The following FMN1 variants were observed in gnomAD, a reference collection of about 807,000 sequenced individuals.
The protein encoded by FMN1 is formin-1.
Under a neutral mutation model 132.4 loss-of-function variants are expected in FMN1, and 110 were observed. That is an observed-to-expected ratio of 0.83 (90% CI 0.71 to 0.97). FMN1 has a LOEUF of 0.97. Ranked by LOEUF, FMN1 falls within the 50% of genes least tolerant of loss-of-function variation. The probability of loss-of-function intolerance (pLI) is 0.00; values close to 1 mark genes in which losing one functional copy is unlikely to be tolerated. For missense variants in FMN1, 1,792 were observed against 1,705.3 expected, an observed-to-expected ratio of 1.05 and a Z score of -0.90; for synonymous variants, 722 against 651.7, an observed-to-expected ratio of 1.11 and a Z score of -1.64.
intron 9 of FMN1, among the ~76,000 whole-genome samples, chr15:32,952,940 C>G (rs1412462201): frequency 1.3e-5 from 2 of 152,142 alleles, no homozygotes; most frequent in African/African-American, 4.8e-5. Context: ...ACGTCCGTGT[C>G]AAATTAGCTT....
intron 5 of FMN1, among the ~76,000 whole-genome samples, chr15:33,081,007 G>A (rs2038433739): frequency 6.6e-6 from 1 of 152,126 alleles, no homozygotes; most frequent in African/African-American, 2.4e-5. Flanking sequence ...AGATGATGCA[G>A]GCCCATTTAC....
At chr15:33,046,605 T>G (rs1162544783) in intron 6 of FMN1, among the ~76,000 whole-genome samples, 2 of 152,190 alleles carry the variant, frequency 1.3e-5, no homozygotes, top group African/African-American at 4.8e-5. Context: ...GCCTGTGGTT[T>G]CATAATTTTT....
rs1555503274 is a variant in FMN1, at chr15:32,950,064, T to TATACACATATACAC, written c.3138+14042_3138+14043insGTGTATATGTGTAT. On this transcript the variant is annotated intron_variant, in intron 9 of 20. Coordinates refer to ENST00000616417, the MANE Select transcript of FMN1 (RefSeq NM_001277313.2). Reference sequence around the variant, plus strand: ...ATATATATATATACACATATATATATATATATATATATATATTAAAAAGCT... The same window carrying TATACACATATACAC: ...ATATATATATATACACATATATATATATACACATATACACATATATATATATATATTAAAAAGCT... Among the ~76,000 whole-genome samples, 27 of 81,952 alleles carry TATACACATATACAC rather than the reference T, an allele frequency of 3.3e-4. 3 individuals are homozygous for TATACACATATACAC. The highest frequency in any genetic ancestry group is 6.0e-4 in the Non-Finnish European group (25 of 41,822). 53.8% of individuals were successfully genotyped at this position (81,952 alleles called of 152,430 possible).
intron 5 of FMN1, among the ~76,000 whole-genome samples, chr15:33,065,360 G>A (rs2037676244): frequency 6.6e-6 from 1 of 152,052 alleles, no homozygotes; most frequent in Non-Finnish European, 1.5e-5. Flanking sequence ...ATTTGAAAAA[G>A]CACAAATATA....
chr15:32,965,827 G>A (rs1394677743), intron 8 of FMN1, among the ~76,000 whole-genome samples: 1 of 152,068 alleles, frequency 6.6e-6, no homozygotes, highest in Non-Finnish European at 1.5e-5. Context: ...TGAACACCTG[G>A]GAAACCATTA....
At chr15:33,079,925 G>C (rs1258449262) in intron 5 of FMN1, among the ~76,000 whole-genome samples, 1 of 151,972 alleles carries the variant, frequency 6.6e-6, no homozygotes, top group African/African-American at 2.4e-5. Context: ...CCTTTGAATT[G>C]TTCTTTTCAT....
At chr15:32,862,246 G>A (rs892937568) in intron 16 of FMN1, among the ~76,000 whole-genome samples, 4 of 152,016 alleles carry the variant, frequency 2.6e-5, no homozygotes, top group African/African-American at 4.8e-5. Context: ...ACTCGCATAC[G>A]ATATTGCTAG....
rs919334695 is a variant in FMN1 at position 33,012,988 on chromosome 15, G to A, written c.2162-4913C>T. On this transcript the variant is annotated intron_variant, in intron 6 of 20. Transcript: ENST00000616417. The stretch of plus-strand genomic sequence containing the variant: ...CAAAAGCTCTGGTTCCTATGATGGT[G>A]GAAGCCAGTACTTTGCCAAACCACA... 3.6e-5 allele frequency: 16 copies of A among 446,700 alleles called. No homozygotes were observed. In the Admixed American group the frequency reaches 3.7e-4, roughly 10 times the overall value. The allele number at this position is 446,700 out of a possible 1,614,324, so 27.7% of individuals were successfully genotyped here. A position where few individuals can be genotyped will look rare whatever the true frequency, so the allele number is the denominator to read the frequency against.
intron 17 of FMN1, among the ~76,000 whole-genome samples, chr15:32,848,614 T>G (rs1380808452): frequency 6.6e-6 from 1 of 152,152 alleles, no homozygotes; most frequent in Non-Finnish European, 1.5e-5. Flanking sequence ...CAATTCTAGG[T>G]TCAGGTGGCT....
chr15:33,157,369 T>C lies in FMN1; in HGVS notation c.-131-2324A>G, dbSNP rs79672370. Among the ~76,000 whole-genome samples the C allele has an allele frequency of 7.3e-3, 1,117 of 152,318 alleles. 6 individuals carry two copies. Among genetic ancestry groups the C allele is most frequent in the South Asian group, 0.018 (89 of 4,826 alleles). ...TCTATTCCCTAAGAGAGGGAATTTG[T>C]ATATACTGAGCACATATACACTTAT... On this transcript the variant is annotated intron_variant, in intron 3 of 20. Coordinates refer to ENST00000616417, the MANE Select transcript of FMN1 (RefSeq NM_001277313.2).
chr15:32,818,840 A>ATTATGCAAAC (rs2058127734), intron 17 of FMN1, among the ~76,000 whole-genome samples: 1 of 151,834 alleles, frequency 6.6e-6, no homozygotes, highest in South Asian at 2.1e-4. Flanking sequence ...ATGTTCAAAT[A>ATTATGCAAAC]TTATGCAAAC....
chr15:32,869,252 G>A (rs1389655399), intron 16 of FMN1, among the ~76,000 whole-genome samples: 1 of 152,160 alleles, frequency 6.6e-6, no homozygotes, highest in Non-Finnish European at 1.5e-5. Context: ...GTGCGTAGGG[G>A]AGAAAAGCTT....
intron 17 of FMN1, among the ~76,000 whole-genome samples, chr15:32,839,468 C>T (rs1231340165): frequency 2.6e-5 from 4 of 152,028 alleles, no homozygotes; most frequent in Admixed American, 1.3e-4. Context: ...ACAACTTGAG[C>T]ACCAGGGACC....
At chr15:33,140,156 T>TA (rs1963946148) in intron 4 of FMN1, among the ~76,000 whole-genome samples, 1 of 150,796 alleles carries the variant, frequency 6.6e-6, no homozygotes, top group Non-Finnish European at 1.5e-5. Flanking sequence ...ACAAATAAAA[T>TA]TTATTTTGTC....
intron 4 of FMN1, among the ~76,000 whole-genome samples, chr15:33,113,997 T>C (rs969975173): frequency 1.3e-5 from 2 of 152,210 alleles, no homozygotes; most frequent in African/African-American, 4.8e-5. Context: ...CTCAGTTATC[T>C]AAGGTCCAAG....
intron 10 of FMN1, among the ~76,000 whole-genome samples, chr15:32,920,520 G>T (rs2060795238): frequency 6.6e-6 from 1 of 152,104 alleles, no homozygotes. Flanking sequence ...AGGGATAAAG[G>T]TTACTTTTGG....
At chr15:33,064,842 G>A (rs1239457772) in intron 6 of FMN1, 115 bp downstream of exon 6, 11 of 695,572 alleles carry the variant, frequency 1.6e-5, no homozygotes, top group Admixed American at 2.7e-5. Context: ...AAACCCTTCA[G>A]CATTACATTT....
intron 7 of FMN1, among the ~76,000 whole-genome samples, chr15:32,988,945 A>T (rs1333121166): frequency 1.3e-5 from 2 of 152,210 alleles, no homozygotes; most frequent in African/African-American, 2.4e-5. Context: ...TAAACGCACA[A>T]CATCTGATAA....
chr15:32,915,924 T>G (rs1405571847), intron 10 of FMN1, among the ~76,000 whole-genome samples: 1 of 152,244 alleles, frequency 6.6e-6, no homozygotes, highest in Non-Finnish European at 1.5e-5. Context: ...TTTATTAGAT[T>G]CCTTTACCTT....
Sources: allele counts gnomAD v4.1 joint callset (sites outside exome capture counted in the v4.1 genomes callset), GRCh38; gene constraint gnomAD v4.1.1; transcripts MANE v1.5; gene names NCBI Gene and HGNC (gene_info 2026-07-23, HGNC 2026-07-21).